The following ZC3H12B variants were observed in gnomAD, a reference collection of about 807,000 sequenced individuals.
The protein encoded by ZC3H12B is zinc finger CCCH-type containing 12B, also known as probable ribonuclease ZC3H12B.
A neutral mutation model predicts 43.9 loss-of-function variants in ZC3H12B; 7 were observed. The observed-to-expected ratio is 0.16, with a 90% CI of 0.09 to 0.30. The LOEUF (loss-of-function observed/expected upper bound fraction) is 0.30, where lower values mean the gene tolerates loss of function less well. Among genes scored for constraint, ZC3H12B ranks in the 10% least tolerant of loss-of-function variants. ZC3H12B has a pLI of 1.00. For missense variants in ZC3H12B, 475 were observed against 670.2 expected, an observed-to-expected ratio of 0.71 and a Z score of 3.22; for synonymous variants, 222 against 241.7, an observed-to-expected ratio of 0.92 and a Z score of 0.76.
chrX:65,110,732 T>C, the ZC3H12B span, among the ~76,000 whole-genome samples: 5 of 111,934 alleles, frequency 4.5e-5, no homozygotes, highest in African/African-American at 1.6e-4. Context: ...TCTTTCCATA[T>C]ACATTTTAGA....
At chrX:65,330,737 G>T in the ZC3H12B span, 10 of 123,719 alleles carry the variant, frequency 8.1e-5, no homozygotes, top group African/African-American at 3.2e-4. Context: ...AACAAGCCTT[G>T]CATCCCAGGG....
At chrX:65,105,077 A>G in the ZC3H12B span, among the ~76,000 whole-genome samples, 2 of 111,722 alleles carry the variant, frequency 1.8e-5, no homozygotes, top group African/African-American at 6.5e-5. Flanking sequence ...TGCAGCCATA[A>G]AAAGAATGAG....
chrX:65,443,166 C>A (rs900330743), intron 3 of ZC3H12B, among the ~76,000 whole-genome samples: 1 of 111,408 alleles, frequency 9.0e-6, no homozygotes, highest in African/African-American at 3.3e-5. Flanking sequence ...CAAGGTGAAA[C>A]GAACCAGACC....
chrX:65,356,609 T>C, the ZC3H12B span, among the ~76,000 whole-genome samples: 2 of 112,419 alleles, frequency 1.8e-5, no homozygotes, highest in Non-Finnish European at 3.8e-5. Flanking sequence ...TATTTATGAT[T>C]TTATAATTTT....
At chrX:65,344,315 A>G in the ZC3H12B span, among the ~76,000 whole-genome samples, 1 of 112,308 alleles carries the variant, frequency 8.9e-6, no homozygotes, top group Admixed American at 9.4e-5. Flanking sequence ...TCTTCATAGA[A>G]CTATAAAAAG....
chrX:65,123,138 TG>T, the ZC3H12B span, among the ~76,000 whole-genome samples: 1 of 112,026 alleles, frequency 8.9e-6, no homozygotes, highest in Non-Finnish European at 1.9e-5. Context: ...TAGCATGAAA[TG>T]CTGTTGAATT....
the ZC3H12B span, among the ~76,000 whole-genome samples, chrX:65,050,370 T>C: frequency 9.0e-6 from 1 of 111,205 alleles, no homozygotes; most frequent in Admixed American, 9.6e-5. Flanking sequence ...TTCTACTTTC[T>C]TTTCTATTGG....
the ZC3H12B span, among the ~76,000 whole-genome samples, chrX:65,189,461 G>C: frequency 7.2e-4 from 76 of 105,264 alleles, no homozygotes; most frequent in African/African-American, 2.5e-3. Context: ...AGCACCTGTT[G>C]TTTCCTGACT....
the ZC3H12B span, among the ~76,000 whole-genome samples, chrX:65,167,131 G>T: frequency 8.9e-6 from 1 of 111,788 alleles, no homozygotes; most frequent in Non-Finnish European, 1.9e-5. Context: ...CCTATGTCCT[G>T]AATGGTATTG....
chrX:65,356,402 C>T, the ZC3H12B span, among the ~76,000 whole-genome samples: 1 of 111,768 alleles, frequency 8.9e-6, no homozygotes, highest in African/African-American at 3.2e-5. Flanking sequence ...TTCCTAAGCA[C>T]ACAAAAATGT....
the ZC3H12B span, among the ~76,000 whole-genome samples, chrX:65,261,072 T>G: frequency 1.8e-5 from 2 of 111,944 alleles, no homozygotes; most frequent in African/African-American, 3.2e-5. Flanking sequence ...ATAAAACATA[T>G]AAAGTAAATT....
chrX:65,244,482 C>A, the ZC3H12B span, among the ~76,000 whole-genome samples: 1 of 109,449 alleles, frequency 9.1e-6, no homozygotes, highest in Non-Finnish European at 1.9e-5. Flanking sequence ...TGGTGGCTCA[C>A]AACTGTAATC....
At chrX:65,505,763 C>A (rs1185610548) in exon 5 of ZC3H12B, 2 of 112,636 alleles carry the variant, frequency 1.8e-5, no homozygotes, top group Non-Finnish European at 3.8e-5. Flanking sequence ...TTGTCACCTA[C>A]AATTCGTCTT....
chrX:65,392,175 C>T (rs2066626379), intron 2 of ZC3H12B, among the ~76,000 whole-genome samples: 1 of 111,988 alleles, frequency 8.9e-6, no homozygotes. Flanking sequence ...TCAGCCTCTG[C>T]CTGGCCGCCA....
the ZC3H12B span, among the ~76,000 whole-genome samples, chrX:65,219,452 T>A: frequency 9.0e-6 from 1 of 111,191 alleles, no homozygotes; most frequent in East Asian, 2.8e-4. Context: ...ATAGATAACA[T>A]AAATTTAAAA....
chrX:65,369,614 A>G (rs998275975), intron 2 of ZC3H12B, among the ~76,000 whole-genome samples: 1 of 111,720 alleles, frequency 9.0e-6, no homozygotes, highest in African/African-American at 3.3e-5. Context: ...ATATTCAGAA[A>G]ATACTTTACA....
chrX:65,264,977 A>T, the ZC3H12B span, among the ~76,000 whole-genome samples: 1 of 111,784 alleles, frequency 8.9e-6, no homozygotes, highest in African/African-American at 3.2e-5. Flanking sequence ...GGGAGGAGAA[A>T]TAGTCACACA....
chrX:65,316,062 G>A, the ZC3H12B span, among the ~76,000 whole-genome samples: 2 of 111,503 alleles, frequency 1.8e-5, no homozygotes, highest in East Asian at 5.6e-4. Context: ...ACCAAGCTGA[G>A]TAAAGAATCT....
the ZC3H12B span, among the ~76,000 whole-genome samples, chrX:65,233,020 G>A: frequency 1.1e-4 from 12 of 112,006 alleles, no homozygotes; most frequent in Non-Finnish European, 1.3e-4. Flanking sequence ...ATAATGATAA[G>A]GGGGTCAAGT....
Sources: allele counts gnomAD v4.1 joint callset (sites outside exome capture counted in the v4.1 genomes callset), GRCh38; gene constraint gnomAD v4.1.1; transcripts MANE v1.5; gene names NCBI Gene and HGNC (gene_info 2026-07-23, HGNC 2026-07-21).